The following STK4 variants were observed in gnomAD, a reference collection of about 807,000 sequenced individuals.
The protein encoded by STK4 is serine/threonine kinase 4, also known as serine/threonine-protein kinase 4.
In STK4, 30 loss-of-function variants were observed where a neutral mutation model predicts 64.9. The observed-to-expected ratio is 0.46, with a 90% CI of 0.35 to 0.63. The LOEUF (loss-of-function observed/expected upper bound fraction) is 0.63. STK4 is among the 20% of genes least tolerant of loss of function. The pLI, the probability that STK4 is intolerant of heterozygous loss-of-function variation, is 0.01. For missense variants in STK4, 466 were observed against 598.5 expected (o/e 0.78, Z 2.31); for synonymous variants, 177 against 199.0 (o/e 0.89, Z 0.93).
At chr20:45,035,604 G>A (rs953262283) in intron 10 of STK4, among the ~76,000 whole-genome samples, 4 of 152,114 alleles carry the variant, frequency 2.6e-5, no homozygotes, top group Admixed American at 1.3e-4. Flanking sequence ...TATTTATTGA[G>A]GTTCTCTGTG....
chr20:45,051,966 T>G (rs1207191327), intron 10 of STK4, among the ~76,000 whole-genome samples: 1 of 152,168 alleles, frequency 6.6e-6, no homozygotes, highest in Non-Finnish European at 1.5e-5. Context: ...GAGTATCAAA[T>G]GAGATGCAGG....
chr20:45,047,143 G>C (rs535944346), intron 10 of STK4, among the ~76,000 whole-genome samples: 1 of 152,304 alleles, frequency 6.6e-6, no homozygotes, highest in Admixed American at 6.5e-5. Context: ...GAAAATAGCA[G>C]TTATTGAATG....
chr20:44,972,974 GCTT>G (rs1371853714), intron 2 of STK4: 1 of 151,818 alleles, frequency 6.6e-6, no homozygotes, highest in Non-Finnish European at 1.5e-5. Flanking sequence ...AAGGGTAGCG[GCTT>G]CTTGTGTGTC....
intron 10 of STK4, among the ~76,000 whole-genome samples, chr20:45,073,530 A>T (rs749383454): frequency 2.2e-4 from 34 of 152,174 alleles, no homozygotes; most frequent in Non-Finnish European, 4.0e-4. Flanking sequence ...TCCTGTGGAG[A>T]CCTCAGGAAA....
chr20:45,061,769 A>C (rs1305843683), intron 10 of STK4, among the ~76,000 whole-genome samples: 1 of 151,766 alleles, frequency 6.6e-6, no homozygotes, highest in Non-Finnish European at 1.5e-5. Flanking sequence ...ACCCTCCAGT[A>C]ATCCTCAGTG....
chr20:45,067,505 C>T (rs1009323967), intron 10 of STK4, among the ~76,000 whole-genome samples: 1 of 152,172 alleles, frequency 6.6e-6, no homozygotes, highest in Non-Finnish European at 1.5e-5. Flanking sequence ...TGAAATAGGC[C>T]TAAACCCTGT....
chr20:45,074,464 A>G (rs1980347519), intron 10 of STK4, among the ~76,000 whole-genome samples: 2 of 152,118 alleles, frequency 1.3e-5, no homozygotes, highest in African/African-American at 4.8e-5. Flanking sequence ...GGTATATAGT[A>G]GCCTCAAGTA....
chr20:45,071,846 G>A (rs1980093946), intron 10 of STK4, among the ~76,000 whole-genome samples: 1 of 152,058 alleles, frequency 6.6e-6, no homozygotes, highest in Non-Finnish European at 1.5e-5. Context: ...ACAGCTCACT[G>A]CAGCCTTGGA....
chr20:45,025,514 A>G (rs1048196460), intron 10 of STK4, among the ~76,000 whole-genome samples: 2 of 152,118 alleles, frequency 1.3e-5, no homozygotes, highest in Non-Finnish European at 2.9e-5. Flanking sequence ...TTTGCTAACT[A>G]TTCTCCTAAT....
chr20:45,053,241 C>G (rs1036131295), intron 10 of STK4: 3 of 1,408,032 alleles, frequency 2.1e-6, no homozygotes, highest in Non-Finnish European at 3.0e-6. Context: ...GTGGATCGTG[C>G]TAGCTGATTT....
chr20:45,013,230 A>C (rs1188638088), intron 9 of STK4, among the ~76,000 whole-genome samples: 1 of 151,940 alleles, frequency 6.6e-6, no homozygotes. Flanking sequence ...TTTGCAGCAG[A>C]ATTTGGTCGA....
chr20:44,966,745 G>C (rs1003115613), intron 1 of STK4, 142 bp downstream of exon 1: 14 of 1,004,888 alleles, frequency 1.4e-5, no homozygotes, highest in Non-Finnish European at 1.7e-5. Flanking sequence ...GGGGGGGGAC[G>C]TCTGGTGGGT....
intron 9 of STK4, among the ~76,000 whole-genome samples, chr20:45,004,130 C>G (rs766297453): frequency 5.9e-5 from 9 of 151,808 alleles, no homozygotes; most frequent in Non-Finnish European, 1.3e-4. Flanking sequence ...GAGTCTTGCT[C>G]TTTCGCCCAG....
At chr20:45,036,535 A>T (rs768651779) in intron 10 of STK4, among the ~76,000 whole-genome samples, 2 of 152,124 alleles carry the variant, frequency 1.3e-5, no homozygotes, top group African/African-American at 4.8e-5. Context: ...TGGCAATTCC[A>T]GCTTGCCAAA....
chr20:44,984,056 G>T (rs1189449656), intron 4 of STK4, among the ~76,000 whole-genome samples: 1 of 149,304 alleles, frequency 6.7e-6, no homozygotes, highest in African/African-American at 2.4e-5. Context: ...TTTATTTCAG[G>T]TATTTTAAAC....
At position 45,040,124 on chromosome 20, in the gene STK4, T is replaced by C. The variant is rs367649512; in HGVS notation, c.1305+14994T>C. On this transcript the variant is annotated intron_variant, in intron 10 of 10. Coordinates refer to ENST00000372806, the MANE Select transcript of STK4 (RefSeq NM_006282.5). ...TCAGAAGGTTCATAATATCTGGATA[T>C]ATGGTCATCTCTCTTTTTCCGTTGT... 8.6e-5 allele frequency among the ~76,000 whole-genome samples: 13 copies of C among 150,742 alleles called. No homozygotes were observed. The East Asian group carries it at 1.6e-3, about 18-fold the overall frequency.
chr20:45,050,509 CTG>C (rs2068761366), intron 10 of STK4, among the ~76,000 whole-genome samples: 1 of 152,194 alleles, frequency 6.6e-6, no homozygotes, highest in Non-Finnish European at 1.5e-5. Flanking sequence ...TTGGGTCAAA[CTG>C]TTCACAAATT....
At chr20:44,981,151 T>C (rs1275163213) in intron 3 of STK4, among the ~76,000 whole-genome samples, 2 of 151,464 alleles carry the variant, frequency 1.3e-5, no homozygotes, top group East Asian at 3.9e-4. Flanking sequence ...ATTATACGGC[T>C]ATAGCATTCT....
At chr20:45,045,926 C>A (rs2068687625) in intron 10 of STK4, among the ~76,000 whole-genome samples, 2 of 151,940 alleles carry the variant, frequency 1.3e-5, no homozygotes, top group Admixed American at 6.5e-5. Flanking sequence ...CCTGCCTCAG[C>A]CTGCTGAGTA....
Sources: gnomAD v4.1 joint callset for allele counts (sites outside exome capture counted in the v4.1 genomes callset) on GRCh38, gnomAD v4.1.1 for gene constraint, MANE v1.5 for transcripts, NCBI Gene and HGNC (gene_info 2026-07-23, HGNC 2026-07-21) for gene names.